ZNF892: variants seen among roughly 807,000 people sequenced by gnomAD.
ZNF892 encodes zinc finger protein 570-like.
At chr2:95,212,545 AACTTG>A in the ZNF892 span, among the ~76,000 whole-genome samples, 3 of 152,236 alleles carry the variant, frequency 2.0e-5, no homozygotes, top group Admixed American at 2.0e-4. Flanking sequence ...GTTTGTTAAT[AACTTG>A]CTTGGGTTCA....
the ZNF892 span, among the ~76,000 whole-genome samples, chr2:95,245,405 C>T: frequency 7.5e-5 from 11 of 145,884 alleles, no homozygotes; most frequent in African/African-American, 2.8e-4. Flanking sequence ...CACCACCACA[C>T]CCGGCTAATT....
chr2:95,255,927 G>T, the ZNF892 span, among the ~76,000 whole-genome samples: 22 of 152,070 alleles, frequency 1.4e-4, no homozygotes, highest in Non-Finnish European at 1.3e-4. Context: ...TTTGCCATTT[G>T]CTTGGTAGCT....
At chr2:95,223,217 A>C in the ZNF892 span, among the ~76,000 whole-genome samples, 3 of 151,990 alleles carry the variant, frequency 2.0e-5, no homozygotes, top group Admixed American at 2.0e-4. Flanking sequence ...ATATGTTTCC[A>C]CTGTCATATA....
chr2:95,219,908 A>C, the ZNF892 span, among the ~76,000 whole-genome samples: 1 of 152,296 alleles, frequency 6.6e-6, no homozygotes, highest in South Asian at 2.1e-4. Flanking sequence ...GGGGAAGATC[A>C]GGAATGCCTT....
chr2:95,225,706 C>T, the ZNF892 span, among the ~76,000 whole-genome samples: 5 of 152,352 alleles, frequency 3.3e-5, no homozygotes, highest in Non-Finnish European at 1.5e-5. Context: ...AAAGTCTTAA[C>T]TGATTTCATA....
At chr2:95,214,478 A>G in the ZNF892 span, 3 of 398,440 alleles carry the variant, frequency 7.5e-6, no homozygotes, top group East Asian at 7.1e-5. Flanking sequence ...GTCAGCAGGA[A>G]AACCATGAGA....
chr2:95,255,987 T>C, the ZNF892 span, among the ~76,000 whole-genome samples: 1 of 152,214 alleles, frequency 6.6e-6, no homozygotes, highest in African/African-American at 2.4e-5. Flanking sequence ...GCACTTGAGA[T>C]TGGTTTCCTG....
At chr2:95,220,052 GA>G in the ZNF892 span, among the ~76,000 whole-genome samples, 1 of 152,294 alleles carries the variant, frequency 6.6e-6, no homozygotes, top group South Asian at 2.1e-4. Context: ...AGGAAGAAGA[GA>G]GATGGCTCTG....
the ZNF892 span, among the ~76,000 whole-genome samples, chr2:95,217,848 T>C: frequency 1.3e-5 from 2 of 152,194 alleles, no homozygotes; most frequent in South Asian, 4.1e-4. Context: ...AAGTCTTCAG[T>C]TGGAGGCTTT....
chr2:95,246,048 G>A, the ZNF892 span, among the ~76,000 whole-genome samples: 1 of 152,110 alleles, frequency 6.6e-6, no homozygotes, highest in African/African-American at 2.4e-5. Flanking sequence ...CCAAAACCTG[G>A]CAGAGATACA....
At chr2:95,239,010 G>T in the ZNF892 span, among the ~76,000 whole-genome samples, 4 of 151,950 alleles carry the variant, frequency 2.6e-5, no homozygotes, top group Admixed American at 1.3e-4. Context: ...GTGGTGGCGC[G>T]TGCCTGTAAT....
chr2:95,210,577 TCTC>T, the ZNF892 span, among the ~76,000 whole-genome samples: 2 of 152,172 alleles, frequency 1.3e-5, no homozygotes, highest in Non-Finnish European at 2.9e-5. Context: ...AGGCTTCTGT[TCTC>T]CTCCCCACTT....
the ZNF892 span, among the ~76,000 whole-genome samples, chr2:95,257,178 G>GT: frequency 1.3e-5 from 2 of 152,154 alleles, no homozygotes; most frequent in Non-Finnish European, 2.9e-5. Flanking sequence ...TTTTTCTGCT[G>GT]TTTTTTCCCC....
At chr2:95,254,542 CT>C in the ZNF892 span, among the ~76,000 whole-genome samples, 56 of 152,186 alleles carry the variant, frequency 3.7e-4, no homozygotes, top group African/African-American at 1.3e-3. Flanking sequence ...CTAAAATTCT[CT>C]TTTTTTGTTG....
the ZNF892 span, among the ~76,000 whole-genome samples, chr2:95,226,959 G>A: frequency 6.6e-6 from 1 of 152,140 alleles, no homozygotes; most frequent in Non-Finnish European, 1.5e-5. Context: ...AGCATGCAAG[G>A]CAGGAAATTT....
chr2:95,254,895 G>C, the ZNF892 span, among the ~76,000 whole-genome samples: 1 of 152,158 alleles, frequency 6.6e-6, no homozygotes. Flanking sequence ...TTCTCTGATG[G>C]TGGTTTGTAT....
chr2:95,230,265 C>T, the ZNF892 span, among the ~76,000 whole-genome samples: 1 of 152,150 alleles, frequency 6.6e-6, no homozygotes, highest in African/African-American at 2.4e-5. Context: ...ACATTGGGTA[C>T]AGTGTACACT....
the ZNF892 span, among the ~76,000 whole-genome samples, chr2:95,255,792 G>A: frequency 6.6e-6 from 1 of 152,218 alleles, no homozygotes; most frequent in Non-Finnish European, 1.5e-5. Flanking sequence ...ATTTAGGATA[G>A]TTAGCTCTTC....
chr2:95,217,958 G>A, the ZNF892 span, among the ~76,000 whole-genome samples: 1 of 152,286 alleles, frequency 6.6e-6, no homozygotes, highest in African/African-American at 2.4e-5. Flanking sequence ...TTTCTTGAAG[G>A]ATAACACATA....
Sources: allele counts gnomAD v4.1 joint callset (sites outside exome capture counted in the v4.1 genomes callset), GRCh38; gene constraint gnomAD v4.1.1; transcripts MANE v1.5; gene names NCBI Gene and HGNC (gene_info 2026-07-23, HGNC 2026-07-21).